DCDC2C: variants seen among roughly 807,000 people sequenced by gnomAD.
The protein encoded by DCDC2C is doublecortin domain-containing protein 2C.
In DCDC2C, 44 loss-of-function variants were observed where a neutral mutation model predicts 45.0. The ratio of observed to expected loss-of-function variants is 0.98; its 90% confidence interval spans 0.77 to 1.26. The LOEUF is 1.26. Among genes scored for constraint, DCDC2C ranks in the 50% most tolerant of loss-of-function variants. The pLI, the probability that DCDC2C is intolerant of heterozygous loss-of-function variation, is 0.00. For synonymous variants in DCDC2C, 187 were observed against 178.8 expected (o/e 1.05, Z -0.37); for missense variants, 447 against 468.9 (o/e 0.95, Z 0.43).
At chr2:3,737,575 G>A (rs1206546365) in intron 3 of DCDC2C, among the ~76,000 whole-genome samples, 1 of 152,170 alleles carries the variant, frequency 6.6e-6, no homozygotes, top group African/African-American at 2.4e-5. Context: ...GTAGAGGGAG[G>A]TGGATGCAGG....
intron 4 of DCDC2C, among the ~76,000 whole-genome samples, chr2:3,744,766 GT>G (rs1489720916): frequency 6.6e-6 from 1 of 152,206 alleles, no homozygotes; most frequent in Non-Finnish European, 1.5e-5. Context: ...CTGTCGAGCC[GT>G]TTAGAGCAGT....
rs116713062 is a variant in DCDC2C, at chr2:3,764,120, A to T, written c.727-3634A>T. Among the ~76,000 whole-genome samples the T allele has an allele frequency of 6.3e-3, 965 of 152,292 alleles. 10 individuals are homozygous for T. Among genetic ancestry groups the T allele is most frequent in the African/African-American group, 0.022 (929 of 41,546 alleles). ...TCATTTCTCATCGCTTACCTCTATT[A>T]TATGCAACTAGAAAGATGTAGTCTC... On this transcript the variant is annotated intron_variant, in intron 6 of 10. Coordinates refer to ENST00000399143, the MANE Select transcript of DCDC2C (RefSeq NM_001287444.2).
intron 6 of DCDC2C, among the ~76,000 whole-genome samples, chr2:3,765,772 C>G (rs891354996): frequency 6.6e-6 from 1 of 152,112 alleles, no homozygotes; most frequent in African/African-American, 2.4e-5. Flanking sequence ...AAAAACACAA[C>G]AAACATCATC....
intron 5 of DCDC2C, 147 bp from the exon 6 acceptor site, chr2:3,754,445 A>G (rs1669628126): frequency 1.5e-6 from 1 of 681,154 alleles, no homozygotes; most frequent in Admixed American, 3.5e-5. Context: ...CTGGGAAATC[A>G]TTGTTGCCAT....
At chr2:3,834,305 C>T (rs1015830557) in intron 10 of DCDC2C, among the ~76,000 whole-genome samples, 1 of 152,164 alleles carries the variant, frequency 6.6e-6, no homozygotes. Flanking sequence ...TAGTGTTGTG[C>T]AGAGTAGCTT....
intron 3 of DCDC2C, among the ~76,000 whole-genome samples, chr2:3,731,139 C>G (rs532854800): frequency 6.6e-6 from 1 of 152,262 alleles, no homozygotes; most frequent in African/African-American, 2.4e-5. Context: ...CTTTGCTGAT[C>G]CCCTTTGTAA....
chr2:3,784,389 C>T (rs762809557), intron 9 of DCDC2C, among the ~76,000 whole-genome samples: 2 of 151,750 alleles, frequency 1.3e-5, no homozygotes, highest in Non-Finnish European at 2.9e-5. Context: ...CTTTTTTAAA[C>T]CATTATTATG....
intron 2 of DCDC2C, among the ~76,000 whole-genome samples, chr2:3,719,229 G>C (rs1668429036): frequency 6.6e-6 from 1 of 152,110 alleles, no homozygotes; most frequent in Admixed American, 6.5e-5. Context: ...GGGACTACAG[G>C]TGCCCGCCAC....
chr2:3,746,036 C>G lies in DCDC2C; in HGVS notation c.545+3988C>G, dbSNP rs114789476. Among the ~76,000 whole-genome samples, 932 of 152,246 alleles carry G rather than the reference C, an allele frequency of 6.1e-3. 11 individuals carry two copies. The highest frequency in any genetic ancestry group is 0.021 in the African/African-American group (889 of 41,530). On this transcript the variant is annotated intron_variant, in intron 4 of 10. Transcript: ENST00000399143. Reference sequence around the variant, plus strand: ...TACTTAAGTGAAATTCTGTAGGTCTCTGTGCAAGACAATTGCTGATCTCGG... The same window carrying G: ...TACTTAAGTGAAATTCTGTAGGTCTGTGTGCAAGACAATTGCTGATCTCGG...
intron 10 of DCDC2C, among the ~76,000 whole-genome samples, chr2:3,826,490 CT>C (rs570176522): frequency 6.0e-5 from 9 of 150,932 alleles, no homozygotes; most frequent in East Asian, 1.9e-4. Context: ...TAGGTATTAG[CT>C]TTTTTTTTTA....
At chr2:3,825,891 T>C (rs776593399) in intron 10 of DCDC2C, among the ~76,000 whole-genome samples, 1 of 152,130 alleles carries the variant, frequency 6.6e-6, no homozygotes, top group Non-Finnish European at 1.5e-5. Context: ...TTGCTATAAA[T>C]CTCATGCCTC....
At chr2:3,758,479 A>C (rs1669786983) in intron 6 of DCDC2C, among the ~76,000 whole-genome samples, 1 of 152,230 alleles carries the variant, frequency 6.6e-6, no homozygotes, top group Admixed American at 6.5e-5. Flanking sequence ...AAGACCTAAA[A>C]GTAGAACATC....
intron 1 of DCDC2C, among the ~76,000 whole-genome samples, chr2:3,706,816 C>T (rs1428892882): frequency 1.3e-5 from 2 of 152,154 alleles, no homozygotes; most frequent in East Asian, 1.9e-4. Context: ...GAATGTTGGC[C>T]TCAGAGCCAG....
chr2:3,733,672 G>A (rs1668939660), intron 3 of DCDC2C, among the ~76,000 whole-genome samples: 1 of 152,188 alleles, frequency 6.6e-6, no homozygotes, highest in Non-Finnish European at 1.5e-5. Flanking sequence ...ATGATGGACG[G>A]GGCAGACAAG....
chr2:3,717,116 A>G (rs1032872176), intron 2 of DCDC2C, among the ~76,000 whole-genome samples: 2 of 152,062 alleles, frequency 1.3e-5, no homozygotes, highest in African/African-American at 4.8e-5. Flanking sequence ...TGTCTTTTGA[A>G]CACTGCTGTT....
chr2:3,718,259 G>A (rs945270491), intron 2 of DCDC2C, among the ~76,000 whole-genome samples: 3 of 152,192 alleles, frequency 2.0e-5, no homozygotes, highest in African/African-American at 7.2e-5. Context: ...CCTCTCCTTG[G>A]TTCTTCTGTG....
At chr2:3,717,884 T>C (rs1187179047) in intron 2 of DCDC2C, among the ~76,000 whole-genome samples, 1 of 152,218 alleles carries the variant, frequency 6.6e-6, no homozygotes, top group Non-Finnish European at 1.5e-5. Context: ...TTAACTCAAC[T>C]GACTGTTTTC....
chr2:3,754,707 G>A (rs150923545), intron 6 of DCDC2C, 73 bp downstream of exon 6: 3 of 1,373,320 alleles, frequency 2.2e-6, no homozygotes, highest in East Asian at 2.5e-5. Flanking sequence ...CAAGGGCACA[G>A]CGCAGGGTGA....
chr2:3,728,236 G>A (rs913732889), intron 3 of DCDC2C, among the ~76,000 whole-genome samples: 1 of 152,184 alleles, frequency 6.6e-6, no homozygotes, highest in East Asian at 1.9e-4. Context: ...CCGAGAATTC[G>A]CCAAACTTGG....
Sources: allele counts gnomAD v4.1 joint callset (sites outside exome capture counted in the v4.1 genomes callset), GRCh38; gene constraint gnomAD v4.1.1; transcripts MANE v1.5; gene names NCBI Gene and HGNC (gene_info 2026-07-23, HGNC 2026-07-21).